The following ERC2 variants were observed in gnomAD, a reference collection of about 807,000 sequenced individuals.
The protein encoded by ERC2 is ERC protein 2.
ERC2 carries 42 observed loss-of-function variants against 114.8 expected under a neutral mutation model. The observed-to-expected ratio is 0.37, with a 90% CI of 0.29 to 0.47. ERC2 has a LOEUF of 0.47. Among genes scored for constraint, ERC2 ranks in the 20% least tolerant of loss-of-function variants. ERC2 has a pLI of 0.99. For synonymous variants in ERC2, 454 were observed against 425.5 expected (o/e 1.07, Z -0.82); for missense variants, 939 against 1,150.7 (o/e 0.82, Z 2.66).
chr3:55,526,182 C>A (rs916508605), intron 17 of ERC2, among the ~76,000 whole-genome samples: 2 of 152,050 alleles, frequency 1.3e-5, no homozygotes, highest in Non-Finnish European at 2.9e-5. Context: ...TCGGAAGAGG[C>A]AAGGAAGGGT....
At chr3:56,103,604 A>G (rs747761238) in intron 6 of ERC2, among the ~76,000 whole-genome samples, 8 of 152,130 alleles carry the variant, frequency 5.3e-5, no homozygotes, top group Non-Finnish European at 1.2e-4. Flanking sequence ...GGTGGTCACA[A>G]TAGGGAGGCA....
chr3:56,005,058 A>G (rs2072375359), intron 10 of ERC2, among the ~76,000 whole-genome samples: 1 of 152,004 alleles, frequency 6.6e-6, no homozygotes. Flanking sequence ...TAAACTTTTG[A>G]ATTTAGTTAA....
At chr3:55,629,843 G>A (rs1023850531) in intron 17 of ERC2, among the ~76,000 whole-genome samples, 3 of 152,210 alleles carry the variant, frequency 2.0e-5, no homozygotes, top group African/African-American at 7.2e-5. Context: ...TCTTCAGGAG[G>A]TTACAGATAA....
chr3:56,076,835 C>T (rs1298187725), intron 7 of ERC2, among the ~76,000 whole-genome samples: 1 of 152,108 alleles, frequency 6.6e-6, no homozygotes, highest in Admixed American at 6.5e-5. Context: ...ATGGAGCACA[C>T]AAGACTTCTG....
chr3:55,581,235 C>A (rs2057245503), intron 17 of ERC2, among the ~76,000 whole-genome samples: 1 of 152,176 alleles, frequency 6.6e-6, no homozygotes, highest in Admixed American at 6.5e-5. Context: ...AGTCCTAAGT[C>A]TCCCATCGCC....
intron 14 of ERC2, among the ~76,000 whole-genome samples, chr3:55,859,905 C>T (rs2061958467): frequency 6.6e-6 from 1 of 151,998 alleles, no homozygotes; most frequent in Non-Finnish European, 1.5e-5. Flanking sequence ...GGAAAATGCC[C>T]TCTGTCCTAA....
chr3:56,251,130 A>G (rs1347261300), intron 3 of ERC2, among the ~76,000 whole-genome samples: 1 of 152,216 alleles, frequency 6.6e-6, no homozygotes, highest in Non-Finnish European at 1.5e-5. Context: ...CTCACCCACC[A>G]TAGAAACTAA....
chr3:56,179,902 G>C (rs6445771), intron 3 of ERC2, among the ~76,000 whole-genome samples: 67,600 of 151,984 alleles, frequency 0.44, 15,594 homozygotes, highest in East Asian at 0.69. Flanking sequence ...TGGGATCAGT[G>C]AATAGACAGT....
At chr3:56,041,420 G>C (rs544276113) in intron 7 of ERC2, among the ~76,000 whole-genome samples, 1 of 152,106 alleles carries the variant, frequency 6.6e-6, no homozygotes. Flanking sequence ...TAGGCATCCT[G>C]CGCTCACCAC....
rs976947462 is a variant in ERC2 at position 56,374,618 on chromosome 3, T to C, written c.657+59733A>G. On this transcript the variant is annotated intron_variant, in intron 2 of 17. Transcript: ENST00000288221. ...GCCTAAGAGAGGTTAAGTAACTTCC[T>C]GAAGGTCATGAAACCAGTAAGTGGT... Among the ~76,000 whole-genome samples, 8 of 152,158 alleles carry C rather than the reference T, an allele frequency of 5.3e-5. No homozygotes were observed. In the South Asian group the frequency reaches 1.0e-3, roughly 20 times the overall value.
chr3:55,618,101 A>G lies in ERC2; in HGVS notation c.*39+65693T>C, dbSNP rs528315395. Among the ~76,000 whole-genome samples, 7 of 152,292 alleles carry G rather than the reference A, an allele frequency of 4.6e-5. No homozygotes were observed. The East Asian group carries it at 1.3e-3, about 29-fold the overall frequency. On this transcript the variant is annotated intron_variant, in intron 17 of 17. Coordinates refer to ENST00000288221, the MANE Select transcript of ERC2 (RefSeq NM_015576.3). The stretch of plus-strand genomic sequence containing the variant: ...AAGATTGGTGTTTACTTCTGTAAAG[A>G]TATTTTTCATCTCTCCCTGAACCAA...
At chr3:56,314,684 T>C (rs2056782651) in intron 2 of ERC2, among the ~76,000 whole-genome samples, 2 of 152,158 alleles carry the variant, frequency 1.3e-5, no homozygotes, top group South Asian at 4.1e-4. Flanking sequence ...AGCTGGTACA[T>C]GCATTTTAAA....
intron 7 of ERC2, among the ~76,000 whole-genome samples, chr3:56,067,095 G>A (rs1483175731): frequency 6.6e-6 from 1 of 152,194 alleles, no homozygotes; most frequent in African/African-American, 2.4e-5. Context: ...TGTGAAGAAT[G>A]TCAATGGTAG....
At chr3:55,551,294 G>A (rs923374608) in intron 17 of ERC2, among the ~76,000 whole-genome samples, 8 of 151,970 alleles carry the variant, frequency 5.3e-5, no homozygotes, top group African/African-American at 1.2e-4. Flanking sequence ...AGGCAGAGGC[G>A]GGTGGATCAC....
At chr3:56,105,084 GAGCC>G (rs567800212) in intron 6 of ERC2, among the ~76,000 whole-genome samples, 204 of 151,822 alleles carry the variant, frequency 1.3e-3, no homozygotes, top group Non-Finnish European at 2.4e-3. Flanking sequence ...GTAGAGGGAA[GAGCC>G]AGCACAGAAA....
chr3:56,059,753 C>T (rs1324281630), intron 7 of ERC2, among the ~76,000 whole-genome samples: 1 of 152,178 alleles, frequency 6.6e-6, no homozygotes, highest in Non-Finnish European at 1.5e-5. Flanking sequence ...ATGTTCAGAT[C>T]ATACCCTTTC....
chr3:55,811,753 T>TA (rs1223106937), intron 14 of ERC2, among the ~76,000 whole-genome samples: 1 of 152,208 alleles, frequency 6.6e-6, no homozygotes, highest in Non-Finnish European at 1.5e-5. Flanking sequence ...AGGCCTGTGT[T>TA]ACGTATCCCA....
intron 13 of ERC2, among the ~76,000 whole-genome samples, chr3:55,893,537 G>A (rs9810436): frequency 0.33 from 49,902 of 151,858 alleles, 9,782 homozygotes; most frequent in African/African-American, 0.54. Context: ...CTCTTGACCC[G>A]TGTACACCTG....
chr3:55,828,095 C>G (rs996548847), intron 14 of ERC2, among the ~76,000 whole-genome samples: 3 of 152,190 alleles, frequency 2.0e-5, no homozygotes, highest in Admixed American at 6.5e-5. Context: ...CAAAGAGGCA[C>G]GAAAGAATAA....
Sources: allele counts gnomAD v4.1 joint callset (sites outside exome capture counted in the v4.1 genomes callset), GRCh38; gene constraint gnomAD v4.1.1; transcripts MANE v1.5; gene names NCBI Gene and HGNC (gene_info 2026-07-23, HGNC 2026-07-21).